The following NLK variants were observed in gnomAD, a reference collection of about 807,000 sequenced individuals.
NLK encodes nemo like kinase, also known as serine/threonine-protein kinase NLK.
NLK carries 11 observed loss-of-function variants against 59.0 expected under a neutral mutation model. That is an observed-to-expected ratio of 0.19 (90% CI 0.12 to 0.31). NLK has a LOEUF of 0.31. Ranked by LOEUF, NLK falls within the 10% of genes least tolerant of loss-of-function variation. NLK has a pLI of 1.00. For synonymous variants in NLK, 235 were observed against 235.9 expected, an observed-to-expected ratio of 1.00 and a Z score of 0.03; for missense variants, 410 against 661.1, an observed-to-expected ratio of 0.62 and a Z score of 4.16.
intron 7 of NLK, among the ~76,000 whole-genome samples, chr17:28,177,147 AG>A (rs1908714897): frequency 6.6e-6 from 1 of 152,056 alleles, no homozygotes. Context: ...AAGAGAAAGG[AG>A]GGGTGGCAGA....
chr17:28,194,125 C>T (rs1452059107), intron 10 of NLK, among the ~76,000 whole-genome samples: 1 of 152,188 alleles, frequency 6.6e-6, no homozygotes, highest in Non-Finnish European at 1.5e-5. Flanking sequence ...TGAGAGGCTA[C>T]TTTTAAATGG....
At chr17:28,175,754 T>A (rs539023196) in intron 7 of NLK, among the ~76,000 whole-genome samples, 1 of 152,326 alleles carries the variant, frequency 6.6e-6, no homozygotes, top group East Asian at 1.9e-4. Context: ...TTAATAAATA[T>A]TAACCATTAA....
At chr17:28,068,534 G>A (rs1269203466) in intron 1 of NLK, among the ~76,000 whole-genome samples, 3 of 152,070 alleles carry the variant, frequency 2.0e-5, no homozygotes, top group Non-Finnish European at 4.4e-5. Context: ...ATTTTGGGGG[G>A]GAATTTGTTG....
At chr17:28,094,563 T>A (rs1904630949) in intron 1 of NLK, among the ~76,000 whole-genome samples, 1 of 152,180 alleles carries the variant, frequency 6.6e-6, no homozygotes, top group Non-Finnish European at 1.5e-5. Flanking sequence ...CATCAAAAGA[T>A]TAAGTATCTG....
At chr17:28,147,792 T>G (rs1907318966) in intron 3 of NLK, among the ~76,000 whole-genome samples, 1 of 152,170 alleles carries the variant, frequency 6.6e-6, no homozygotes, top group South Asian at 2.1e-4. Flanking sequence ...CTCAGCAAAT[T>G]TTGTGGGAAT....
intron 1 of NLK, among the ~76,000 whole-genome samples, chr17:28,074,756 A>T (rs750150290): frequency 2.6e-5 from 4 of 152,108 alleles, no homozygotes; most frequent in African/African-American, 4.8e-5. Context: ...AGTAGGATGA[A>T]AAAGGGAGGT....
chr17:28,190,998 G>A, intron 8 of NLK, 23 bp from the exon 9 acceptor site: 1 of 1,542,786 alleles, frequency 6.5e-7, no homozygotes, highest in Non-Finnish European at 8.8e-7. Context: ...GTGTTGATGT[G>A]CTGGTCTCTA....
intron 1 of NLK, among the ~76,000 whole-genome samples, chr17:28,083,848 A>G (rs1362164752): frequency 6.6e-6 from 1 of 152,198 alleles, no homozygotes; most frequent in Admixed American, 6.5e-5. Context: ...CTTAAATAAT[A>G]TATAGGTATG....
intron 3 of NLK, among the ~76,000 whole-genome samples, chr17:28,135,104 A>G (rs1415458505): frequency 6.6e-6 from 1 of 152,226 alleles, no homozygotes. Context: ...TCCATATAGT[A>G]GCATTCCTAT....
At chr17:28,095,018 A>T (rs1904650453) in intron 1 of NLK, among the ~76,000 whole-genome samples, 1 of 152,194 alleles carries the variant, frequency 6.6e-6, no homozygotes, top group Admixed American at 6.5e-5. Flanking sequence ...TTTTCATGAT[A>T]TCTAAGTCTT....
chr17:28,143,477 A>G (rs1158376440), intron 3 of NLK, among the ~76,000 whole-genome samples: 2 of 152,080 alleles, frequency 1.3e-5, no homozygotes, highest in Admixed American at 6.5e-5. Context: ...TAAATGAAAA[A>G]AGAATGATTA....
chr17:28,150,419 G>A (rs1378873892), intron 3 of NLK, among the ~76,000 whole-genome samples: 2 of 152,182 alleles, frequency 1.3e-5, no homozygotes, highest in Admixed American at 1.3e-4. Context: ...TAGACTAGGA[G>A]TCAGGAAACC....
intron 3 of NLK, among the ~76,000 whole-genome samples, chr17:28,146,912 C>T (rs1907278931): frequency 6.6e-6 from 1 of 152,172 alleles, no homozygotes; most frequent in African/African-American, 2.4e-5. Context: ...GGACTTACTT[C>T]TTACAGTAAT....
chr17:28,142,095 CTCT>C (rs1308244969), intron 3 of NLK, among the ~76,000 whole-genome samples: 2 of 152,152 alleles, frequency 1.3e-5, no homozygotes, highest in African/African-American at 2.4e-5. Context: ...CTCTAGAATG[CTCT>C]TCTTGTTTTA....
In NLK at chr17:28,185,275, GT is replaced by G. The variant is rs768066594; in HGVS notation, c.1236+19del. ...GTTGGTCTTTGATCCAGTAAGTAGT[GT>G]TTTTTTTTATATATTTTTAATGAAT... On this transcript the variant is annotated intron_variant, in intron 8 of 10. Transcript: ENST00000407008. The G allele has an allele frequency of 1.0e-4, 151 of 1,476,446 alleles. No individual in the cohort carries two copies. Among genetic ancestry groups the G allele is most frequent in the Middle Eastern group, 1.7e-4 (1 of 5,780 alleles). 91.5% of individuals were successfully genotyped at this position (1,476,446 alleles called of 1,614,324 possible).
chr17:28,151,291 C>T (rs748218226), intron 3 of NLK, among the ~76,000 whole-genome samples: 5 of 152,068 alleles, frequency 3.3e-5, no homozygotes, highest in Non-Finnish European at 7.4e-5. Context: ...AAAGCAAAAA[C>T]CGTATCATAA....
At chr17:28,168,381 T>G in intron 5 of NLK, 67 bp from the exon 6 acceptor site, 1 of 1,218,926 alleles carries the variant, frequency 8.2e-7, no homozygotes, top group South Asian at 1.3e-5. Context: ...TATCAAAATT[T>G]TGATGTTTTG....
chr17:28,147,847 C>T (rs1466841545), intron 3 of NLK, among the ~76,000 whole-genome samples: 1 of 152,166 alleles, frequency 6.6e-6, no homozygotes, highest in African/African-American at 2.4e-5. Flanking sequence ...TGTCCACTAA[C>T]AATTCAGCTG....
At chr17:28,088,907 T>G (rs1904377610) in intron 1 of NLK, among the ~76,000 whole-genome samples, 1 of 152,186 alleles carries the variant, frequency 6.6e-6, no homozygotes. Flanking sequence ...TACTTCAAAT[T>G]CAAATGATTA....
Sources: allele counts gnomAD v4.1 joint callset (sites outside exome capture counted in the v4.1 genomes callset), GRCh38; gene constraint gnomAD v4.1.1; transcripts MANE v1.5; gene names NCBI Gene and HGNC (gene_info 2026-07-23, HGNC 2026-07-21).